The following MACROD2 variants were observed in gnomAD, a reference collection of about 807,000 sequenced individuals.
MACROD2 encodes the protein ADP-ribose glycohydrolase MACROD2.
In MACROD2, 36 loss-of-function variants were observed where a neutral mutation model predicts 70.4. That is an observed-to-expected ratio of 0.51 (90% confidence interval 0.39 to 0.68). MACROD2 has a LOEUF of 0.68. Ranked by LOEUF, MACROD2 falls within the 30% of genes least tolerant of loss-of-function variation. The probability of loss-of-function intolerance (pLI) is 0.00; values close to 1 mark genes in which losing one functional copy is unlikely to be tolerated. For synonymous variants in MACROD2, 172 were observed against 178.8 expected (o/e 0.96, Z 0.30); for missense variants, 496 against 538.4 (o/e 0.92, Z 0.78).
chr20:14,924,163 A>G (rs1165264999), intron 5 of MACROD2, among the ~76,000 whole-genome samples: 1 of 152,224 alleles, frequency 6.6e-6, no homozygotes, highest in African/African-American at 2.4e-5. Flanking sequence ...AAATAATACC[A>G]TATGGAAATA....
At chr20:15,599,391 A>C (rs1026288149) in intron 8 of MACROD2, among the ~76,000 whole-genome samples, 4 of 149,280 alleles carry the variant, frequency 2.7e-5, no homozygotes, top group African/African-American at 7.4e-5. Context: ...ACTCTGTCTC[A>C]AAAAAAAAAG....
Position 14,548,587 on chromosome 20 carries a change from G to A in MACROD2, c.301+55079G>A, listed in dbSNP as rs371478318. Among the ~76,000 whole-genome samples, 2 of 51,810 alleles carry A rather than the reference G, an allele frequency of 3.9e-5. 1 individual carries two copies. Among genetic ancestry groups the A allele is most frequent in the East Asian group, 3.9e-3 (2 of 514 alleles). 34.0% of individuals were successfully genotyped at this position (51,810 alleles called of 152,430 possible). ...CAAAAAATTAGCCGGGCGTAGTGGC[G>A]GGCGCCTGTTGTCCCAGCTACTTGG... On this transcript the variant is annotated intron_variant, in intron 4 of 17. Coordinates refer to ENST00000684519, the MANE Select transcript of MACROD2 (RefSeq NM_001351661.2).
intron 2 of MACROD2, among the ~76,000 whole-genome samples, chr20:14,027,245 C>T (rs896394535): frequency 3.9e-5 from 6 of 152,084 alleles, no homozygotes; most frequent in East Asian, 1.9e-4. Context: ...TCCGCTTGAT[C>T]GATTCGGCTA....
At chr20:14,853,676 A>C (rs1013442392) in intron 5 of MACROD2, among the ~76,000 whole-genome samples, 1 of 152,036 alleles carries the variant, frequency 6.6e-6, no homozygotes, top group Non-Finnish European at 1.5e-5. Context: ...AGTATGCTGC[A>C]TCGATAGAGT....
intron 4 of MACROD2, among the ~76,000 whole-genome samples, chr20:14,553,408 C>CTTTTT (rs34162149): frequency 7.8e-6 from 1 of 127,862 alleles, no homozygotes; most frequent in Non-Finnish European, 1.7e-5. Flanking sequence ...TTCTAGTTAA[C>CTTTTT]TTTTTTTTTT....
chr20:14,561,786 G>A (rs1231515462), intron 4 of MACROD2, among the ~76,000 whole-genome samples: 1 of 151,786 alleles, frequency 6.6e-6, no homozygotes, highest in Non-Finnish European at 1.5e-5. Flanking sequence ...ATGCTTTGAA[G>A]CATAATCTCT....
At chr20:15,037,252 A>G (rs1006127088) in intron 5 of MACROD2, among the ~76,000 whole-genome samples, 1 of 152,178 alleles carries the variant, frequency 6.6e-6, no homozygotes, top group Non-Finnish European at 1.5e-5. Flanking sequence ...TTGGGAAATC[A>G]ACTTGTTTTT....
At chr20:15,514,065 G>T (rs1248520499) in intron 8 of MACROD2, among the ~76,000 whole-genome samples, 2 of 144,104 alleles carry the variant, frequency 1.4e-5, no homozygotes, top group African/African-American at 5.0e-5. Context: ...GATAAAGAAA[G>T]AAAATATTTT....
At chr20:14,235,021 A>G (rs1011478621) in intron 3 of MACROD2, among the ~76,000 whole-genome samples, 1 of 152,140 alleles carries the variant, frequency 6.6e-6, no homozygotes. Flanking sequence ...TAATGTGAAA[A>G]AAAGAGGCCC....
intron 3 of MACROD2, among the ~76,000 whole-genome samples, chr20:14,091,686 C>CT (rs1374437131): frequency 1.1e-4 from 16 of 151,694 alleles, no homozygotes; most frequent in African/African-American, 3.9e-4. Flanking sequence ...TTAAGGTTGC[C>CT]TTTTTTCACT....
At chr20:14,094,510 C>G (rs1419102114) in intron 3 of MACROD2, among the ~76,000 whole-genome samples, 4 of 152,056 alleles carry the variant, frequency 2.6e-5, no homozygotes, top group Non-Finnish European at 4.4e-5. Flanking sequence ...CTTTTTTGAT[C>G]CTTGTTTTCC....
At chr20:14,812,875 G>T (rs2072731387) in intron 5 of MACROD2, among the ~76,000 whole-genome samples, 1 of 151,948 alleles carries the variant, frequency 6.6e-6, no homozygotes, top group African/African-American at 2.4e-5. Flanking sequence ...CCACAAGACT[G>T]CCTCCCACTT....
chr20:15,411,067 A>G (rs1335369492), intron 6 of MACROD2, among the ~76,000 whole-genome samples: 2 of 151,934 alleles, frequency 1.3e-5, no homozygotes, highest in Admixed American at 1.3e-4. Context: ...CAATAATAAT[A>G]GTGGATGATG....
At chr20:15,545,609 G>A (rs2048015895) in intron 8 of MACROD2, among the ~76,000 whole-genome samples, 1 of 152,112 alleles carries the variant, frequency 6.6e-6, no homozygotes, top group Non-Finnish European at 1.5e-5. Context: ...TGTAGTAGTG[G>A]AAATAAATCT....
chr20:15,726,979 G>A (rs117918837), intron 8 of MACROD2, among the ~76,000 whole-genome samples: 6,544 of 152,012 alleles, frequency 0.043, 202 homozygotes, highest in East Asian at 0.13. Context: ...ATTGCTTTTG[G>A]CATCTTTGTC....
At chr20:15,086,592 ATTCT>A (rs2075750493) in intron 5 of MACROD2, among the ~76,000 whole-genome samples, 1 of 152,120 alleles carries the variant, frequency 6.6e-6, no homozygotes, top group African/African-American at 2.4e-5. Context: ...CATCATTTTG[ATTCT>A]TTATTTTACC....
chr20:14,732,436 A>C (rs752890041), intron 5 of MACROD2, among the ~76,000 whole-genome samples: 5 of 152,186 alleles, frequency 3.3e-5, no homozygotes, highest in Non-Finnish European at 5.9e-5. Context: ...TAAGGGGTCC[A>C]CTGGGAAGGC....
intron 13 of MACROD2, among the ~76,000 whole-genome samples, chr20:15,972,387 A>C (rs1479305590): frequency 6.6e-6 from 1 of 152,170 alleles, no homozygotes; most frequent in Admixed American, 6.5e-5. Context: ...TATGACCCCA[A>C]AGCATAAGAA....
chr20:16,047,671 C>A (rs1212172462), intron 17 of MACROD2, among the ~76,000 whole-genome samples: 1 of 31,894 alleles, frequency 3.1e-5, no homozygotes, highest in African/African-American at 8.5e-5. Flanking sequence ...GTTCTGGCCC[C>A]AGCAGGTACC....
Sources: allele counts gnomAD v4.1 joint callset (sites outside exome capture counted in the v4.1 genomes callset), GRCh38; gene constraint gnomAD v4.1.1; transcripts MANE v1.5; gene names NCBI Gene and HGNC (gene_info 2026-07-23, HGNC 2026-07-21).